The following ARHGEF28 variants were observed in gnomAD, a reference collection of about 807,000 sequenced individuals.
ARHGEF28 encodes 190 kDa guanine nucleotide exchange factor.
In ARHGEF28, 152 loss-of-function variants were observed where a neutral mutation model predicts 206.6. The ratio of observed to expected loss-of-function variants is 0.74; its 90% CI spans 0.64 to 0.84. ARHGEF28 has a LOEUF of 0.84. Among genes scored for constraint, ARHGEF28 ranks in the 40% least tolerant of loss-of-function variants. The probability of loss-of-function intolerance (pLI) is 0.00; values close to 1 mark genes in which losing one functional copy is unlikely to be tolerated. For missense variants in ARHGEF28, 2,028 were observed against 2,073.2 expected (o/e 0.98, Z 0.42); for synonymous variants, 763 against 776.4 (o/e 0.98, Z 0.29).
intron 23 of ARHGEF28, among the ~76,000 whole-genome samples, chr5:73,883,048 A>G (rs1308665923): frequency 6.6e-6 from 1 of 152,176 alleles, no homozygotes; most frequent in African/African-American, 2.4e-5. Context: ...ATATCTTAAA[A>G]TTTCACTGAT....
At chr5:73,714,635 T>C (rs967518664) in intron 2 of ARHGEF28, among the ~76,000 whole-genome samples, 2 of 152,216 alleles carry the variant, frequency 1.3e-5, no homozygotes, top group Non-Finnish European at 2.9e-5. Context: ...TCTGGGTGTA[T>C]GACTCTGTGT....
intron 15 of ARHGEF28, 24 bp from the exon 16 acceptor site, chr5:73,858,063 C>T (rs1759160450): frequency 6.3e-7 from 1 of 1,580,038 alleles, no homozygotes; most frequent in Non-Finnish European, 8.6e-7. Flanking sequence ...CCCCACTTTC[C>T]TACTGCTGCT....
intron 35 of ARHGEF28, among the ~76,000 whole-genome samples, chr5:73,930,470 T>C (rs1764048088): frequency 6.6e-6 from 1 of 152,262 alleles, no homozygotes; most frequent in South Asian, 2.1e-4. Context: ...CTCTTAATTA[T>C]ATAGACAAGT....
chr5:73,851,326 C>T (rs539120118), intron 13 of ARHGEF28, among the ~76,000 whole-genome samples: 113 of 151,844 alleles, frequency 7.4e-4, no homozygotes, highest in African/African-American at 2.3e-3. Context: ...AGGATGCTTT[C>T]GGTCCTTTTT....
At chr5:73,910,134 A>C (rs1399283453) in intron 34 of ARHGEF28, among the ~76,000 whole-genome samples, 1 of 151,980 alleles carries the variant, frequency 6.6e-6, no homozygotes, top group African/African-American at 2.4e-5. Context: ...TAATCCCAGA[A>C]CTTTGGGAGG....
intron 4 of ARHGEF28, among the ~76,000 whole-genome samples, chr5:73,756,146 T>C (rs2112411465): frequency 6.6e-6 from 1 of 152,312 alleles, no homozygotes; most frequent in East Asian, 1.9e-4. Flanking sequence ...AGTACCTGCT[T>C]CATTAGCTGG....
intron 2 of ARHGEF28, among the ~76,000 whole-genome samples, chr5:73,694,269 AAGAGTCAGCCT>A (rs1334660970): frequency 6.6e-6 from 1 of 152,184 alleles, no homozygotes; most frequent in African/African-American, 2.4e-5. Context: ...AGACCACAGG[AAGAGTCAGCCT>A]AGCACCCAGC....
chr5:73,795,250 G>T, intron 8 of ARHGEF28, 81 bp from the exon 9 acceptor site: 1 of 1,293,524 alleles, frequency 7.7e-7, no homozygotes, highest in East Asian at 2.3e-5. Flanking sequence ...TTCCAAGGTT[G>T]TTTTTCTAGT....
chr5:73,758,869 A>C (rs1192247819), intron 4 of ARHGEF28, among the ~76,000 whole-genome samples: 1 of 152,212 alleles, frequency 6.6e-6, no homozygotes, highest in African/African-American at 2.4e-5. Context: ...TGCAGGGCAA[A>C]AATATTAAAG....
intron 35 of ARHGEF28, among the ~76,000 whole-genome samples, chr5:73,912,826 G>T (rs942264537): frequency 1.3e-5 from 2 of 152,176 alleles, no homozygotes; most frequent in Non-Finnish European, 2.9e-5. Flanking sequence ...CTAAGCACAT[G>T]TTGCTTTGCT....
chr5:73,710,339 T>A (rs936993466), intron 2 of ARHGEF28, among the ~76,000 whole-genome samples: 1 of 152,252 alleles, frequency 6.6e-6, no homozygotes, highest in African/African-American at 2.4e-5. Context: ...GCTTACTTGC[T>A]ATTTATAGCT....
chr5:73,907,113 G>A (rs1185384884), intron 33 of ARHGEF28, among the ~76,000 whole-genome samples: 1 of 152,284 alleles, frequency 6.6e-6, no homozygotes, highest in South Asian at 2.1e-4. Context: ...TCTTAGGTTA[G>A]ATGTGAGGTT....
At chr5:73,698,548 C>A (rs1288585870) in intron 2 of ARHGEF28, among the ~76,000 whole-genome samples, 1 of 151,854 alleles carries the variant, frequency 6.6e-6, no homozygotes, top group African/African-American at 2.4e-5. Context: ...TCTTTGGGAG[C>A]CTTGAAGCTT....
At chr5:73,639,244 T>A (rs1007769003) in intron 1 of ARHGEF28, among the ~76,000 whole-genome samples, 9 of 145,398 alleles carry the variant, frequency 6.2e-5, no homozygotes, top group African/African-American at 2.1e-4. Flanking sequence ...TATATATATA[T>A]AATATATATA....
intron 9 of ARHGEF28, among the ~76,000 whole-genome samples, chr5:73,797,132 T>C (rs571908872): frequency 6.6e-6 from 1 of 152,376 alleles, no homozygotes; most frequent in East Asian, 1.9e-4. Flanking sequence ...TTGAGAAAGA[T>C]AAATGAGCAC....
intron 35 of ARHGEF28, among the ~76,000 whole-genome samples, chr5:73,934,371 TTG>T (rs59017369): frequency 0.026 from 3,952 of 152,304 alleles, 171 homozygotes; most frequent in African/African-American, 0.09. Flanking sequence ...GTTTCTCTTT[TTG>T]TGTTATTAAA....
At chr5:73,699,176 T>C (rs966523578) in intron 2 of ARHGEF28, among the ~76,000 whole-genome samples, 6 of 151,832 alleles carry the variant, frequency 4.0e-5, no homozygotes, top group African/African-American at 1.5e-4. Context: ...TATGTGTGTG[T>C]GTGTGTATGT....
intron 35 of ARHGEF28, among the ~76,000 whole-genome samples, chr5:73,933,664 G>A (rs958592268): frequency 1.3e-5 from 2 of 152,174 alleles, no homozygotes; most frequent in Admixed American, 1.3e-4. Context: ...GAATTGTTTA[G>A]TGAACCCCAT....
In ARHGEF28 at chr5:73,827,592, T is replaced by C. The variant is rs562354018; in HGVS notation, c.1025-4746T>C. Among the ~76,000 whole-genome samples, 4 of 152,290 alleles carry C rather than the reference T, an allele frequency of 2.6e-5. No homozygotes were observed. The South Asian group carries it at 8.3e-4, about 32-fold the overall frequency. On this transcript the variant is annotated intron_variant, in intron 9 of 35. Coordinates refer to ENST00000513042, the MANE Select transcript of ARHGEF28 (RefSeq NM_001177693.2). ...TAACTTGCCCCAGTCACACAGCTAA[T>C]AGGTGGTGGAGTAGAGACTTGAACC... is the stretch of plus-strand genomic sequence containing the variant.
Sources: allele counts gnomAD v4.1 joint callset (sites outside exome capture counted in the v4.1 genomes callset), GRCh38; gene constraint gnomAD v4.1.1; transcripts MANE v1.5; gene names NCBI Gene and HGNC (gene_info 2026-07-23, HGNC 2026-07-21).